The following SLC24A3 variants were observed in gnomAD, a reference collection of about 807,000 sequenced individuals.
The protein encoded by SLC24A3 is solute carrier family 24 member 3.
In SLC24A3, 28 loss-of-function variants were observed where a neutral mutation model predicts 75.8. The ratio of observed to expected loss-of-function variants is 0.37; its 90% CI spans 0.27 to 0.51. SLC24A3 has a LOEUF of 0.51. Ranked by LOEUF, SLC24A3 falls within the 20% of genes least tolerant of loss-of-function variation. The pLI, the probability that SLC24A3 is intolerant of heterozygous loss-of-function variation, is 0.94. For missense variants in SLC24A3, 663 were observed against 847.8 expected (o/e 0.78, Z 2.71); for synonymous variants, 372 against 334.1 (o/e 1.11, Z -1.24).
rs1987726299 is a variant in SLC24A3 at position 19,464,171 on chromosome 20, G to A, written c.272-51317G>A. Among the ~76,000 whole-genome samples, 4 of 152,218 alleles carry A rather than the reference G, an allele frequency of 2.6e-5. No individual in the cohort carries two copies. In the South Asian group the frequency reaches 8.3e-4, roughly 32 times the overall value. On this transcript the variant is annotated intron_variant, in intron 2 of 16. Transcript: ENST00000328041. Reference sequence around the variant, plus strand: ...CCCAGCCTTCTCGCCAACACTGGCTGCCAGAAATGGGCTTTCCTATGTCTT... The same window carrying A: ...CCCAGCCTTCTCGCCAACACTGGCTACCAGAAATGGGCTTTCCTATGTCTT...
intron 2 of SLC24A3, among the ~76,000 whole-genome samples, chr20:19,366,301 G>A (rs139010681): frequency 1.3e-5 from 2 of 152,174 alleles, no homozygotes; most frequent in Non-Finnish European, 2.9e-5. Context: ...TTATCTAATT[G>A]TTCCTAAAAG....
intron 2 of SLC24A3, among the ~76,000 whole-genome samples, chr20:19,333,356 G>A (rs144805572): frequency 3.7e-4 from 57 of 152,290 alleles, no homozygotes; most frequent in African/African-American, 1.1e-3. Flanking sequence ...CAACCAGGGT[G>A]CTCAAACTAG....
At chr20:19,263,713 A>G (rs1983068514) in intron 1 of SLC24A3, among the ~76,000 whole-genome samples, 1 of 152,178 alleles carries the variant, frequency 6.6e-6, no homozygotes, top group Admixed American at 6.5e-5. Context: ...CTTTCTTTCC[A>G]TTCAACCTTG....
intron 2 of SLC24A3, among the ~76,000 whole-genome samples, chr20:19,299,206 G>GTGTA (rs1449694874): frequency 1.3e-5 from 2 of 151,652 alleles, no homozygotes; most frequent in Non-Finnish European, 2.9e-5. Context: ...GTATGTGTGT[G>GTGTA]TGTGTGTGTG....
chr20:19,580,822 C>G (rs1450966122), intron 4 of SLC24A3, among the ~76,000 whole-genome samples: 2 of 152,210 alleles, frequency 1.3e-5, no homozygotes, highest in Non-Finnish European at 2.9e-5. Flanking sequence ...GCATCTCCCC[C>G]AGACACATCT....
chr20:19,575,486 T>C (rs931344758), intron 3 of SLC24A3, among the ~76,000 whole-genome samples: 9 of 152,124 alleles, frequency 5.9e-5, no homozygotes, highest in Non-Finnish European at 1.2e-4. Context: ...CTACACATGA[T>C]CAAGGCCAAA....
At chr20:19,565,434 G>A (rs2030940918) in intron 3 of SLC24A3, among the ~76,000 whole-genome samples, 1 of 151,962 alleles carries the variant, frequency 6.6e-6, no homozygotes, top group South Asian at 2.1e-4. Flanking sequence ...ACCAATGATT[G>A]ATTGGTATAG....
At chr20:19,255,883 G>A (rs550251499) in intron 1 of SLC24A3, among the ~76,000 whole-genome samples, 141 of 152,150 alleles carry the variant, frequency 9.3e-4, no homozygotes, top group Middle Eastern at 3.4e-3. Context: ...ATTACTTGAG[G>A]CCAGAAGTTT....
At chr20:19,246,124 C>A (rs138976616) in intron 1 of SLC24A3, among the ~76,000 whole-genome samples, 1 of 152,082 alleles carries the variant, frequency 6.6e-6, no homozygotes, top group Non-Finnish European at 1.5e-5. Context: ...GAATCAACAT[C>A]ACACCAGTTA....
intron 3 of SLC24A3, among the ~76,000 whole-genome samples, chr20:19,577,421 T>C (rs2031155759): frequency 1.3e-5 from 2 of 152,128 alleles, no homozygotes; most frequent in Non-Finnish European, 2.9e-5. Flanking sequence ...GATCTATCAA[T>C]GAGTTATTTT....
At chr20:19,404,514 G>A (rs1005444349) in intron 2 of SLC24A3, among the ~76,000 whole-genome samples, 7 of 152,174 alleles carry the variant, frequency 4.6e-5, no homozygotes, top group Admixed American at 6.5e-5. Context: ...GGAGCCTAAC[G>A]GGTCTAGTTT....
At chr20:19,277,848 G>A (rs1285543024) in intron 1 of SLC24A3, among the ~76,000 whole-genome samples, 1 of 152,226 alleles carries the variant, frequency 6.6e-6, no homozygotes, top group African/African-American at 2.4e-5. Context: ...AACTTTGGAA[G>A]TCATTGGAAG....
chr20:19,519,188 T>C (rs1466019123), intron 3 of SLC24A3, among the ~76,000 whole-genome samples: 1 of 152,226 alleles, frequency 6.6e-6, no homozygotes, highest in African/African-American at 2.4e-5. Context: ...CCCCTTTCCA[T>C]TTGGGCCCCA....
chr20:19,480,001 G>A (rs1043278189), intron 2 of SLC24A3, among the ~76,000 whole-genome samples: 5 of 152,228 alleles, frequency 3.3e-5, no homozygotes, highest in African/African-American at 1.2e-4. Flanking sequence ...TCTATCAAAA[G>A]GGACTGTTGT....
intron 1 of SLC24A3, among the ~76,000 whole-genome samples, chr20:19,246,639 A>G (rs1982493993): frequency 6.6e-6 from 1 of 152,220 alleles, no homozygotes; most frequent in Non-Finnish European, 1.5e-5. Flanking sequence ...AGTTCAAAAT[A>G]TGTTTATTTA....
chr20:19,646,271 A>T (rs1170161835), intron 6 of SLC24A3, among the ~76,000 whole-genome samples: 1 of 152,238 alleles, frequency 6.6e-6, no homozygotes, highest in Non-Finnish European at 1.5e-5. Context: ...AATACAGTAT[A>T]TCACATTAAA....
chr20:19,580,196 A>G, intron 4 of SLC24A3, 122 bp downstream of exon 4: 1 of 700,734 alleles, frequency 1.4e-6, no homozygotes. Context: ...CAGCGGGAAC[A>G]CCAGGCATCA....
chr20:19,571,000 C>T (rs546624642), intron 3 of SLC24A3, among the ~76,000 whole-genome samples: 6 of 152,186 alleles, frequency 3.9e-5, no homozygotes, highest in South Asian at 2.1e-4. Context: ...GAGCTGTAGA[C>T]GTTCCTCAAG....
In SLC24A3 at chr20:19,621,518, A is replaced by G. The variant is rs16980903; in HGVS notation, c.613-32544A>G. ...GTTCTCATCCCCTCGGGAATTTCCAAATGCATTCAGTAGATGTTCCTTTTT... is the reference window on the plus strand; with the variant it reads ...GTTCTCATCCCCTCGGGAATTTCCAGATGCATTCAGTAGATGTTCCTTTTT... On this transcript the variant is annotated intron_variant, in intron 6 of 16. Coordinates refer to ENST00000328041, the MANE Select transcript of SLC24A3 (RefSeq NM_020689.4). 1.3e-3 allele frequency among the ~76,000 whole-genome samples: 205 copies of G among 152,296 alleles called. 3 individuals are homozygous for G. The East Asian group carries it at 0.024, about 18-fold the overall frequency.
Sources: allele counts gnomAD v4.1 joint callset (sites outside exome capture counted in the v4.1 genomes callset), GRCh38; gene constraint gnomAD v4.1.1; transcripts MANE v1.5; gene names NCBI Gene and HGNC (gene_info 2026-07-23, HGNC 2026-07-21).